Variants in SLC7A1 observed in about 807,000 individuals in gnomAD.
The protein encoded by SLC7A1 is solute carrier family 7 member 1.
In SLC7A1, 10 loss-of-function variants were observed where a neutral mutation model predicts 53.9. The ratio of observed to expected loss-of-function variants is 0.19; its 90% CI spans 0.11 to 0.31. The LOEUF (loss-of-function observed/expected upper bound fraction) is 0.31. SLC7A1 is among the 10% of genes least tolerant of loss of function. The pLI is 1.00. For missense variants in SLC7A1, 525 were observed against 827.2 expected, an observed-to-expected ratio of 0.63 and a Z score of 4.48; for synonymous variants, 342 against 338.7, an observed-to-expected ratio of 1.01 and a Z score of -0.11.
chr13:29,521,730 C>T (rs1379387021), intron 8 of SLC7A1, among the ~76,000 whole-genome samples: 3 of 152,188 alleles, frequency 2.0e-5, no homozygotes, highest in Non-Finnish European at 4.4e-5. Context: ...CAGATTAGTC[C>T]ACTGATTTCA....
rs1593542852 is a variant in SLC7A1, at chr13:29,524,195, C to T, written c.763G>A (p.Val255Ile). 6.2e-7 allele frequency: 1 copy of T among 1,614,164 alleles called. No individual in the cohort carries two copies. Among genetic ancestry groups the T allele is most frequent in the Non-Finnish European group, 8.5e-7 (1 of 1,179,992 alleles). Residue 255 changes from valine to isoleucine, a missense_variant, in exon 6 of 13, where the codon GTC becomes ATC. Physicochemically the swap from Val to Ile is conservative, Grantham distance 29 (BLOSUM62 3). This residue lies in a region of SLC7A1 where 354 missense variants were observed against 587.5 expected (regional missense o/e 0.60). Coordinates refer to ENST00000380752, the MANE Select transcript of SLC7A1 (RefSeq NM_003045.5). ...AAGCAAGTCGCTGCCCCCGACAGGA[C>T]ACCAGAGAACCCGAAGGGCATGAAT... The part of the protein sequence containing the change: ...GGFMPFGFSG[V>I]LSGAATCFYA...
intron 1 of SLC7A1, among the ~76,000 whole-genome samples, chr13:29,563,016 A>C (rs1358467815): frequency 6.6e-6 from 1 of 152,242 alleles, no homozygotes; most frequent in East Asian, 1.9e-4. Context: ...TGTGCACTGC[A>C]AAAGGCTAGA....
At chr13:29,550,536 G>A (rs1870129785) in intron 2 of SLC7A1, among the ~76,000 whole-genome samples, 1 of 152,236 alleles carries the variant, frequency 6.6e-6, no homozygotes, top group South Asian at 2.1e-4. Flanking sequence ...GGGAGATGCA[G>A]GCAGCTGCTA....
intron 2 of SLC7A1, among the ~76,000 whole-genome samples, chr13:29,539,646 C>A (rs1869579461): frequency 1.3e-5 from 2 of 152,206 alleles, no homozygotes; most frequent in Admixed American, 1.3e-4. Flanking sequence ...GGGTATAGTT[C>A]TTGGCCTGTT....
At chr13:29,531,532 C>T (rs1269361248) in intron 4 of SLC7A1, among the ~76,000 whole-genome samples, 2 of 152,168 alleles carry the variant, frequency 1.3e-5, no homozygotes, top group African/African-American at 4.8e-5. Context: ...CCATGGACGC[C>T]TCTCATCGTT....
At position 29,548,783 on chromosome 13, in the gene SLC7A1, C is replaced by T. The variant is rs548177215; in HGVS notation, c.-15+4978G>A. Among the ~76,000 whole-genome samples the T allele has an allele frequency of 1.3e-3, 191 of 152,306 alleles. 1 individual carries two copies. The highest frequency in any genetic ancestry group is 1.5e-3 in the Non-Finnish European group (105 of 68,030). ...CTTTCATATTGATCTATTTGTTCCC[C>T]GGTCCCTGTTTTATTCTCAAAGAGC... On this transcript the variant is annotated intron_variant, in intron 2 of 12. Transcript: ENST00000380752.
At chr13:29,530,948 A>G (rs1869125214) in intron 4 of SLC7A1, among the ~76,000 whole-genome samples, 1 of 152,092 alleles carries the variant, frequency 6.6e-6, no homozygotes, top group African/African-American at 2.4e-5. Context: ...TGACCTCCAG[A>G]TACCCTTGGG....
chr13:29,542,647 A>C (rs181499303), intron 2 of SLC7A1, among the ~76,000 whole-genome samples: 1 of 148,426 alleles, frequency 6.7e-6, no homozygotes, highest in Non-Finnish European at 1.5e-5. Flanking sequence ...CACACACCGC[A>C]CTCCAGCACT....
intron 1 of SLC7A1, among the ~76,000 whole-genome samples, chr13:29,574,954 ATACTTCT>A (rs1162027356): frequency 1.3e-5 from 2 of 152,138 alleles, no homozygotes; most frequent in Non-Finnish European, 2.9e-5. Context: ...AGAGCAGCTA[ATACTTCT>A]TTACTTTTTA....
chr13:29,550,833 A>C (rs1181381327), intron 2 of SLC7A1, among the ~76,000 whole-genome samples: 1 of 152,212 alleles, frequency 6.6e-6, no homozygotes, highest in Admixed American at 6.5e-5. Context: ...TTTAAGCCAG[A>C]GAAACAGATG....
chr13:29,526,456 C>A (rs1339944763), intron 5 of SLC7A1, among the ~76,000 whole-genome samples: 1 of 152,112 alleles, frequency 6.6e-6, no homozygotes, highest in Non-Finnish European at 1.5e-5. Flanking sequence ...TGCGCAACTG[C>A]ACCCCAGCCT....
chr13:29,592,742 C>T (rs73154454), intron 1 of SLC7A1, among the ~76,000 whole-genome samples: 423 of 152,262 alleles, frequency 2.8e-3, no homozygotes, highest in Non-Finnish European at 4.5e-3. Context: ...TGTTCCCTCA[C>T]GGGAAGAGAG....
At chr13:29,581,619 CA>C (rs1871650659) in intron 1 of SLC7A1, among the ~76,000 whole-genome samples, 1 of 152,218 alleles carries the variant, frequency 6.6e-6, no homozygotes, top group Non-Finnish European at 1.5e-5. Flanking sequence ...CTCTAAGTGG[CA>C]TTCTGGTTTA....
chr13:29,526,350 T>C (rs1477703432), intron 5 of SLC7A1, among the ~76,000 whole-genome samples: 1 of 152,090 alleles, frequency 6.6e-6, no homozygotes, highest in East Asian at 1.9e-4. Flanking sequence ...CATATGACTA[T>C]AGTCCCAGCT....
intron 1 of SLC7A1, among the ~76,000 whole-genome samples, chr13:29,587,010 C>T (rs186345295): frequency 1.7e-4 from 26 of 152,272 alleles, no homozygotes; most frequent in African/African-American, 6.0e-4. Context: ...GGAGTCTGGG[C>T]GGCTGCCCAC....
At chr13:29,515,683 T>TGTGGAAGCTCCCCACCCTA (rs1883533468) in intron 12 of SLC7A1, among the ~76,000 whole-genome samples, 1 of 152,180 alleles carries the variant, frequency 6.6e-6, no homozygotes, top group Non-Finnish European at 1.5e-5. Flanking sequence ...ATCTATCTCA[T>TGTGGAAGCTCCCCACCCTA]GTGGAAGCTC....
chr13:29,544,251 CATAAT>C (rs1869804772), intron 2 of SLC7A1, among the ~76,000 whole-genome samples: 1 of 152,172 alleles, frequency 6.6e-6, no homozygotes, highest in Admixed American at 6.5e-5. Context: ...TCCAAAAGAA[CATAAT>C]ATAATACCAA....
intron 11 of SLC7A1, among the ~76,000 whole-genome samples, 154 bp from the exon 12 acceptor site, chr13:29,516,400 C>A (rs1165840784): frequency 6.6e-6 from 1 of 152,176 alleles, no homozygotes; most frequent in African/African-American, 2.4e-5. Flanking sequence ...CACTCCCACA[C>A]CCCACACACA....
At chr13:29,561,517 T>C (rs1593570220) in intron 1 of SLC7A1, among the ~76,000 whole-genome samples, 2 of 150,810 alleles carry the variant, frequency 1.3e-5, no homozygotes, top group African/African-American at 4.9e-5. Flanking sequence ...AAAGAGGGGG[T>C]TTCTAGTCTG....
Sources: allele counts gnomAD v4.1 joint callset (sites outside exome capture counted in the v4.1 genomes callset), GRCh38; gene constraint gnomAD v4.1.1; regional missense constraint gnomAD v4.1.1; transcripts MANE v1.5; gene names NCBI Gene and HGNC (gene_info 2026-07-23, HGNC 2026-07-21).